The following CDK8 variants were observed in gnomAD, a reference collection of about 807,000 sequenced individuals.
CDK8 encodes the protein cyclin dependent kinase 8, also known as cyclin-dependent kinase 8.
CDK8 carries 29 observed loss-of-function variants against 71.5 expected under a neutral mutation model. That is an observed-to-expected ratio of 0.41 (90% CI 0.30 to 0.55). The LOEUF (loss-of-function observed/expected upper bound fraction) is 0.55. CDK8 is among the 20% of genes least tolerant of loss of function. The probability of loss-of-function intolerance (pLI) is 0.37; values close to 1 mark genes in which losing one functional copy is unlikely to be tolerated. For missense variants in CDK8, 288 were observed against 572.6 expected (o/e 0.50, Z 5.07); for synonymous variants, 161 against 192.1 (o/e 0.84, Z 1.34).
chr13:26,355,336 C>T (rs753524425), intron 4 of CDK8, among the ~76,000 whole-genome samples: 5 of 152,190 alleles, frequency 3.3e-5, no homozygotes, highest in African/African-American at 7.2e-5. Flanking sequence ...GATTTACAGG[C>T]CAGGCACAGT....
At chr13:26,402,685 C>T (rs1207246085) in intron 12 of CDK8, among the ~76,000 whole-genome samples, 6 of 152,144 alleles carry the variant, frequency 3.9e-5, no homozygotes, top group Admixed American at 2.6e-4. Context: ...TTGTTGGTTC[C>T]AGTATCTTTT....
At chr13:26,298,773 A>G (rs1873681193) in intron 1 of CDK8, among the ~76,000 whole-genome samples, 1 of 152,218 alleles carries the variant, frequency 6.6e-6, no homozygotes, top group Non-Finnish European at 1.5e-5. Context: ...GAAAGGAGAC[A>G]TAGACCACGG....
At chr13:26,256,886 A>G (rs1394497749) in intron 1 of CDK8, among the ~76,000 whole-genome samples, 1 of 152,186 alleles carries the variant, frequency 6.6e-6, no homozygotes, top group Admixed American at 6.5e-5. Context: ...GAGTTTTAAA[A>G]TTACTATCTT....
chr13:26,386,702 A>T (rs1875493959), intron 6 of CDK8, among the ~76,000 whole-genome samples: 1 of 152,220 alleles, frequency 6.6e-6, no homozygotes, highest in Admixed American at 6.5e-5. Flanking sequence ...TCGGTATCAT[A>T]CTTGCTAGCT....
chr13:26,331,432 C>CT (rs1284353900), intron 1 of CDK8, among the ~76,000 whole-genome samples: 1 of 152,106 alleles, frequency 6.6e-6, no homozygotes. Flanking sequence ...TGTGCAGAAG[C>CT]TTTTTTGTGT....
Position 26,401,543 on chromosome 13 carries a change from A to G in CDK8, c.1188A>G (p.Thr396=). ...CAGGGAATCAAGACAGCAGTCACAC[A>G]CAGGGACCCCCGTTGAAGAAAGTGA... is the stretch of plus-strand genomic sequence containing the variant. The part of the protein sequence containing the change: ...GHPGNQDSSH[T]QGPPLKKVRV... The change falls in exon 12 of 13, where the codon ACA becomes ACG. Residue 396 remains threonine (T), a synonymous_variant. Transcript: ENST00000381527. The surrounding 1 kb of genome is among the most constrained non-coding windows in gnomAD (Gnocchi z 4.5). 10 of 1,614,222 alleles carry G rather than the reference A, an allele frequency of 6.2e-6. No individual in the cohort carries two copies. The highest frequency in any genetic ancestry group is 8.5e-6 in the Non-Finnish European group (10 of 1,180,034).
intron 4 of CDK8, among the ~76,000 whole-genome samples, chr13:26,355,180 C>T (rs760336779): frequency 3.3e-5 from 5 of 152,222 alleles, no homozygotes; most frequent in Admixed American, 6.5e-5. Context: ...CCTTGTAGTA[C>T]ATTTGATGTT....
At chr13:26,363,085 G>A (rs939049367) in intron 4 of CDK8, among the ~76,000 whole-genome samples, 4 of 150,470 alleles carry the variant, frequency 2.7e-5, no homozygotes, top group African/African-American at 9.8e-5. Context: ...ACTTTGGGAG[G>A]CTGAGGTGAG....
chr13:26,356,201 AAAT>A (rs1873890395), intron 4 of CDK8, among the ~76,000 whole-genome samples: 1 of 152,186 alleles, frequency 6.6e-6, no homozygotes, highest in African/African-American at 2.4e-5. Flanking sequence ...GATGATTTAA[AAAT>A]AATAATAAAG....
Position 26,400,498 on chromosome 13 carries a change from G to A in CDK8, c.979G>A (p.Glu327Lys). The part of the protein sequence containing the change: ...TMDPIKRITS[E>K]QAMQDPYFLE... ...GGACCCAATAAAGCGAATTACCTCAGAACAGGCTATGCAGGACCCCTATTT... is the reference window on the plus strand; with the variant it reads ...GGACCCAATAAAGCGAATTACCTCAAAACAGGCTATGCAGGACCCCTATTT... The change falls in exon 10 of 13, where the codon GAA becomes AAA. Residue 327 changes from glutamate to lysine, a missense_variant. Around this residue, in one of 6 missense-constraint regions of CDK8, gnomAD observed 96 missense variants for 229.8 expected, o/e 0.42. Coordinates refer to ENST00000381527, the MANE Select transcript of CDK8 (RefSeq NM_001260.3). The A allele has an allele frequency of 6.2e-7, 1 of 1,613,576 alleles. No individual in the cohort carries two copies. Among genetic ancestry groups the A allele is most frequent in the Non-Finnish European group, 8.5e-7 (1 of 1,179,652 alleles).
intron 1 of CDK8, among the ~76,000 whole-genome samples, chr13:26,264,794 T>G (rs889675537): frequency 6.6e-6 from 1 of 152,204 alleles, no homozygotes; most frequent in African/African-American, 2.4e-5. Context: ...GTTCATTTTT[T>G]TGTAGCTCCC....
chr13:26,295,467 T>C (rs1249048755), intron 1 of CDK8, among the ~76,000 whole-genome samples: 1 of 152,204 alleles, frequency 6.6e-6, no homozygotes, highest in East Asian at 1.9e-4. Flanking sequence ...GCAGATCTTT[T>C]CACTGCAAAG....
In CDK8 at chr13:26,257,712, G is replaced by A. The variant is rs1325554577; in HGVS notation, c.128+2943G>A. ...CGTTAGAAGACAGAAAACAATTTGT[G>A]TTTTTAAATTCTAGACTTCAATATT... On this transcript the variant is annotated intron_variant, in intron 1 of 12. Transcript: ENST00000381527. Among the ~76,000 whole-genome samples the A allele has an allele frequency of 2.0e-5, 3 of 152,028 alleles. No homozygotes were observed. The East Asian group carries it at 5.8e-4, about 29-fold the overall frequency.
rs557791714 is a variant in CDK8, at chr13:26,385,718, C to T, written c.646+376C>T. The stretch of plus-strand genomic sequence containing the variant: ...CACCACTCTACTCCAGCCTAGGCGA[C>T]GGGGAGACACTGTCTCAAAAAATAT... On this transcript the variant is annotated intron_variant, in intron 6 of 12. Transcript: ENST00000381527. Among the ~76,000 whole-genome samples, 48 of 152,036 alleles carry T rather than the reference C, an allele frequency of 3.2e-4. 1 individual carries two copies. In the South Asian group the frequency reaches 5.6e-3, roughly 18 times the overall value.
intron 12 of CDK8, among the ~76,000 whole-genome samples, chr13:26,403,524 T>C (rs1456500155): frequency 6.6e-6 from 1 of 152,142 alleles, no homozygotes; most frequent in Non-Finnish European, 1.5e-5. Flanking sequence ...TGTGATACCT[T>C]CTCCTATCAT....
intron 4 of CDK8, chr13:26,359,770 C>A: frequency 2.4e-6 from 1 of 414,104 alleles, no homozygotes; most frequent in Non-Finnish European, 4.8e-6. Context: ...GGCTTGAGTG[C>A]AATGGCATGA....
At chr13:26,331,360 A>G (rs552172732) in intron 1 of CDK8, among the ~76,000 whole-genome samples, 38 of 152,218 alleles carry the variant, frequency 2.5e-4, no homozygotes, top group African/African-American at 8.7e-4. Context: ...CCTCAGATGA[A>G]TAGTTTGCAA....
At chr13:26,279,138 A>G (rs1484629510) in intron 1 of CDK8, among the ~76,000 whole-genome samples, 3 of 152,066 alleles carry the variant, frequency 2.0e-5, no homozygotes, top group African/African-American at 7.2e-5. Flanking sequence ...TCTCGATAGT[A>G]AAAAAGGTAG....
intron 1 of CDK8, among the ~76,000 whole-genome samples, chr13:26,288,944 T>C (rs1313299979): frequency 6.6e-6 from 1 of 151,770 alleles, no homozygotes; most frequent in Admixed American, 6.6e-5. Context: ...AGAGATGGGG[T>C]TTCACTATGG....
Sources: allele counts gnomAD v4.1 joint callset (sites outside exome capture counted in the v4.1 genomes callset), GRCh38; gene constraint gnomAD v4.1.1; regional missense constraint gnomAD v4.1.1; non-coding constraint Gnocchi (gnomAD v3.1); transcripts MANE v1.5; gene names NCBI Gene and HGNC (gene_info 2026-07-23, HGNC 2026-07-21).